Variants in CCDC178 observed in about 807,000 individuals in gnomAD.
CCDC178 encodes the protein coiled-coil domain containing 178, also known as coiled-coil domain-containing protein 178.
Under a neutral mutation model 117.4 loss-of-function variants are expected in CCDC178, and 126 were observed. The ratio of observed to expected loss-of-function variants is 1.07; its 90% confidence interval spans 0.93 to 1.24. CCDC178 has a LOEUF of 1.24. CCDC178 is among the 50% of genes most tolerant of loss of function. The probability of loss-of-function intolerance (pLI) is 0.00; values close to 1 mark genes in which losing one functional copy is unlikely to be tolerated. For synonymous variants in CCDC178, 283 were observed against 313.4 expected, an observed-to-expected ratio of 0.90 and a Z score of 1.02; for missense variants, 1,030 against 986.9, an observed-to-expected ratio of 1.04 and a Z score of -0.59.
At chr18:33,430,945 G>A (rs1186480268) in intron 2 of CCDC178, among the ~76,000 whole-genome samples, 3 of 151,820 alleles carry the variant, frequency 2.0e-5, no homozygotes, top group Non-Finnish European at 4.4e-5. Context: ...CGCGGTGGTG[G>A]GCCCCTGTGG....
At chr18:33,216,198 C>T (rs1399135175) in intron 18 of CCDC178, among the ~76,000 whole-genome samples, 1 of 152,050 alleles carries the variant, frequency 6.6e-6, no homozygotes, top group Non-Finnish European at 1.5e-5. Flanking sequence ...GCTCCCCTTT[C>T]CAAACACACA....
chr18:33,193,594 C>A (rs2058889392), intron 20 of CCDC178, among the ~76,000 whole-genome samples: 2 of 152,130 alleles, frequency 1.3e-5, no homozygotes. Context: ...TGTCTTATCT[C>A]ACATAGAATT....
intron 11 of CCDC178, among the ~76,000 whole-genome samples, chr18:33,306,985 G>C (rs1055069968): frequency 6.6e-6 from 1 of 152,112 alleles, no homozygotes; most frequent in Non-Finnish European, 1.5e-5. Flanking sequence ...ATGATTGTAA[G>C]TTTCCTGAGG....
At chr18:33,295,353 A>C (rs890892263) in intron 11 of CCDC178, among the ~76,000 whole-genome samples, 3 of 152,168 alleles carry the variant, frequency 2.0e-5, no homozygotes, top group Non-Finnish European at 4.4e-5. Flanking sequence ...TAATATTTTT[A>C]GAAAACAAAT....
intron 22 of CCDC178, among the ~76,000 whole-genome samples, chr18:32,960,988 T>C (rs2054693100): frequency 6.6e-6 from 1 of 152,154 alleles, no homozygotes; most frequent in Non-Finnish European, 1.5e-5. Context: ...CTTTTATTAA[T>C]ACTTGCTTCA....
intron 20 of CCDC178, among the ~76,000 whole-genome samples, chr18:33,129,705 A>G (rs533561857): frequency 1.3e-5 from 2 of 152,006 alleles, no homozygotes; most frequent in East Asian, 3.8e-4. Context: ...ATAGACTTAT[A>G]TACTGGTTTT....
intron 2 of CCDC178, among the ~76,000 whole-genome samples, chr18:33,415,440 C>T (rs754463504): frequency 1.3e-5 from 2 of 151,704 alleles, no homozygotes; most frequent in African/African-American, 2.4e-5. Context: ...TCTCAGCAAA[C>T]TATCGCAAGG....
intron 21 of CCDC178, among the ~76,000 whole-genome samples, chr18:33,087,021 T>G (rs1042087916): frequency 7.1e-6 from 1 of 140,376 alleles, no homozygotes; most frequent in Non-Finnish European, 1.5e-5. Context: ...CACAACAAAA[T>G]AGCCATTGGT....
At chr18:33,234,238 C>A (rs892297501) in intron 15 of CCDC178, among the ~76,000 whole-genome samples, 1 of 151,702 alleles carries the variant, frequency 6.6e-6, no homozygotes, top group Non-Finnish European at 1.5e-5. Context: ...TCCTGCTGTA[C>A]CTTCACACTA....
intron 5 of CCDC178, among the ~76,000 whole-genome samples, chr18:33,382,774 G>T (rs538012411): frequency 6.6e-6 from 1 of 152,168 alleles, no homozygotes; most frequent in South Asian, 2.1e-4. Context: ...TGGGCTGCAG[G>T]AGTTTTTACA....
At chr18:33,398,003 A>T (rs1281217161) in intron 3 of CCDC178, among the ~76,000 whole-genome samples, 1 of 152,128 alleles carries the variant, frequency 6.6e-6, no homozygotes, top group African/African-American at 2.4e-5. Context: ...ATCTTTTTCC[A>T]GTTTAATAAC....
Position 33,323,474 on chromosome 18 carries a change from T to C in CCDC178, c.1022+17A>G, listed in dbSNP as rs2062542756. The C allele has an allele frequency of 1.4e-6, 2 of 1,431,480 alleles. No individual in the cohort carries two copies. The highest frequency in any genetic ancestry group is 2.6e-5 in the Admixed American group (1 of 38,756). The allele number at this position is 1,431,480 out of a possible 1,614,324, so 88.7% of individuals were successfully genotyped here. On this transcript the variant is annotated intron_variant, in intron 11 of 22. Coordinates refer to ENST00000383096, the MANE Select transcript of CCDC178 (RefSeq NM_001105528.4). ...AATTTCTAAATGCTATAATTAGTGTTTGCGAAAAATTCTTACTTGTAGGCC... is the reference window on the plus strand; with the variant it reads ...AATTTCTAAATGCTATAATTAGTGTCTGCGAAAAATTCTTACTTGTAGGCC...
chr18:33,114,212 G>T (rs2057821622), intron 20 of CCDC178, among the ~76,000 whole-genome samples: 1 of 152,006 alleles, frequency 6.6e-6, no homozygotes, highest in African/African-American at 2.4e-5. Flanking sequence ...GAAAGGACTG[G>T]AGGATCCCTT....
intron 9 of CCDC178, among the ~76,000 whole-genome samples, chr18:33,338,476 A>G (rs996229984): frequency 2.6e-5 from 4 of 152,186 alleles, no homozygotes; most frequent in Non-Finnish European, 5.9e-5. Flanking sequence ...AAAACTTGCA[A>G]TGCAAAAATA....
intron 22 of CCDC178, among the ~76,000 whole-genome samples, chr18:32,940,777 T>C (rs996269445): frequency 3.9e-5 from 6 of 152,218 alleles, no homozygotes; most frequent in African/African-American, 1.4e-4. Flanking sequence ...TTTATAGGAC[T>C]ATAAAAGAAA....
At chr18:33,377,571 T>C (rs534603896) in intron 5 of CCDC178, among the ~76,000 whole-genome samples, 1 of 152,274 alleles carries the variant, frequency 6.6e-6, no homozygotes, top group East Asian at 1.9e-4. Context: ...ATTCTTATCA[T>C]TTGTTTGAGG....
chr18:33,020,850 T>G (rs1238642944), intron 21 of CCDC178, among the ~76,000 whole-genome samples: 1 of 152,194 alleles, frequency 6.6e-6, no homozygotes, highest in Non-Finnish European at 1.5e-5. Context: ...ACTATATTTA[T>G]GAAGCCCTAG....
chr18:33,127,242 C>T (rs2058018385), intron 20 of CCDC178, among the ~76,000 whole-genome samples: 1 of 151,612 alleles, frequency 6.6e-6, no homozygotes, highest in Non-Finnish European at 1.5e-5. Context: ...TCTGTGGACT[C>T]CTAAAATATT....
At chr18:33,069,176 T>C (rs914410668) in intron 21 of CCDC178, among the ~76,000 whole-genome samples, 20 of 152,048 alleles carry the variant, frequency 1.3e-4, no homozygotes, top group African/African-American at 4.8e-4. Context: ...ACAGAAATCT[T>C]AAAAATCCTA....
Sources: gnomAD v4.1 joint callset for allele counts (sites outside exome capture counted in the v4.1 genomes callset) on GRCh38, gnomAD v4.1.1 for gene constraint, MANE v1.5 for transcripts, NCBI Gene and HGNC (gene_info 2026-07-23, HGNC 2026-07-21) for gene names.